EEFSEC: variants seen among roughly 807,000 people sequenced by gnomAD.
EEFSEC encodes eukaryotic elongation factor, selenocysteine-tRNA specific.
EEFSEC carries 43 observed loss-of-function variants against 42.1 expected under a neutral mutation model. The ratio of observed to expected loss-of-function variants is 1.02; its 90% CI spans 0.80 to 1.32. EEFSEC has a LOEUF of 1.32. EEFSEC is among the 40% of genes most tolerant of loss of function. The pLI is 0.00. For synonymous variants in EEFSEC, 354 were observed against 339.1 expected, an observed-to-expected ratio of 1.04 and a Z score of -0.48; for missense variants, 745 against 803.6, an observed-to-expected ratio of 0.93 and a Z score of 0.88.
At chr3:128,183,965 A>G (rs2065438322) in intron 1 of EEFSEC, among the ~76,000 whole-genome samples, 1 of 152,218 alleles carries the variant, frequency 6.6e-6, no homozygotes, top group Non-Finnish European at 1.5e-5. Flanking sequence ...ATAGACCACC[A>G]GCAGGAACAG....
downstream of EEFSEC, among the ~76,000 whole-genome samples, chr3:128,412,198 C>G (rs932065473): frequency 2.6e-5 from 4 of 152,230 alleles, no homozygotes; most frequent in South Asian, 6.2e-4. Context: ...TTAGTGGGGC[C>G]TCTTCTCCAG....
At chr3:128,421,699 C>A in the EEFSEC span, among the ~76,000 whole-genome samples, 20,056 of 152,236 alleles carry the variant, frequency 0.13, 1,474 homozygotes, top group South Asian at 0.23. Flanking sequence ...CGCATTCCTC[C>A]GGGCAGCCTG....
chr3:128,205,198 T>C (rs542367749), intron 1 of EEFSEC, among the ~76,000 whole-genome samples: 2 of 152,350 alleles, frequency 1.3e-5, no homozygotes, highest in African/African-American at 4.8e-5. Flanking sequence ...TTCATTTGTA[T>C]GCTCACTCAT....
intron 6 of EEFSEC, among the ~76,000 whole-genome samples, chr3:128,395,284 A>T (rs543611921): frequency 6.6e-6 from 1 of 152,330 alleles, no homozygotes. Flanking sequence ...CCAGACCCTC[A>T]GCCAGGGCCT....
intron 4 of EEFSEC, among the ~76,000 whole-genome samples, chr3:128,329,188 G>A (rs2067098074): frequency 6.6e-6 from 1 of 152,202 alleles, no homozygotes; most frequent in Admixed American, 6.5e-5. Flanking sequence ...CAGCTTCCCT[G>A]GGGCCCCTGT....
At position 128,153,635 on chromosome 3, in the gene EEFSEC, G is replaced by T; in HGVS notation, c.128G>T (p.Arg43Leu). ...GCCTTTGACAAGCAGCCGCAGAGCCGCGAGCGCGGCATCACGCTCGATCTG... is the reference window on the plus strand; with the variant it reads ...GCCTTTGACAAGCAGCCGCAGAGCCTCGAGCGCGGCATCACGCTCGATCTG... ...TAAFDKQPQSRERGITLDLGF... is the reference protein window; with the variant it reads ...TAAFDKQPQSLERGITLDLGF... Residue 43 changes from arginine to leucine, a missense_variant, in exon 1 of 7, where the codon CGC becomes CTC. Transcript: ENST00000254730. 6.3e-7 allele frequency: 1 copy of T among 1,598,034 alleles called. No individual in the cohort carries two copies. The highest frequency in any genetic ancestry group is 8.5e-7 in the Non-Finnish European group (1 of 1,177,848).
chr3:128,410,196 C>T (rs937023274), downstream of EEFSEC, among the ~76,000 whole-genome samples: 15 of 152,182 alleles, frequency 9.9e-5, no homozygotes, highest in Admixed American at 2.6e-4. Context: ...CAAGGACTCA[C>T]TTCTTAGGCG....
At chr3:128,417,050 C>T in the EEFSEC span, among the ~76,000 whole-genome samples, 1 of 152,110 alleles carries the variant, frequency 6.6e-6, no homozygotes, top group Non-Finnish European at 1.5e-5. The surrounding 1 kb of genome is among the most constrained non-coding windows in gnomAD (Gnocchi z 4.3). Flanking sequence ...GCTTCACCTT[C>T]AAAGCCTGTC....
At chr3:128,260,787 G>A (rs1162144804) in intron 2 of EEFSEC, among the ~76,000 whole-genome samples, 2 of 152,192 alleles carry the variant, frequency 1.3e-5, no homozygotes, top group Admixed American at 1.3e-4. Context: ...TCCACAGATT[G>A]CTCAAGCCTT....
intron 1 of EEFSEC, among the ~76,000 whole-genome samples, chr3:128,177,623 C>T (rs1459804242): frequency 5.9e-5 from 9 of 152,150 alleles, no homozygotes; most frequent in African/African-American, 9.7e-5. Flanking sequence ...CCAAAACGCA[C>T]CTCTGTTTAG....
intron 4 of EEFSEC, among the ~76,000 whole-genome samples, chr3:128,294,982 G>A (rs2066687033): frequency 6.6e-6 from 1 of 152,198 alleles, no homozygotes; most frequent in Non-Finnish European, 1.5e-5. Flanking sequence ...TCCCCATGAT[G>A]CCTGGGAAAA....
At chr3:128,237,305 A>G (rs77996940) in intron 1 of EEFSEC, among the ~76,000 whole-genome samples, 2,161 of 151,974 alleles carry the variant, frequency 0.014, 24 homozygotes, top group Non-Finnish European at 0.024. Context: ...TGGGTTTTGT[A>G]TCTTACCTAG....
chr3:128,242,386 A>G (rs1286326387), intron 1 of EEFSEC, among the ~76,000 whole-genome samples: 1 of 152,180 alleles, frequency 6.6e-6, no homozygotes, highest in Admixed American at 6.5e-5. Context: ...AAACCTGGTC[A>G]TCCTGCACAT....
chr3:128,235,263 C>T (rs975090586), intron 1 of EEFSEC, among the ~76,000 whole-genome samples: 23 of 151,110 alleles, frequency 1.5e-4, no homozygotes, highest in African/African-American at 5.6e-4. Flanking sequence ...GAGATGGGGT[C>T]TCTCCATGTT....
At chr3:128,287,183 G>A (rs1576608948) in intron 4 of EEFSEC, among the ~76,000 whole-genome samples, 1 of 152,176 alleles carries the variant, frequency 6.6e-6, no homozygotes, top group East Asian at 1.9e-4. Flanking sequence ...GGGCCAATTT[G>A]GCAAATAAAG....
intron 5 of EEFSEC, among the ~76,000 whole-genome samples, chr3:128,349,977 C>T (rs951848043): frequency 2.6e-5 from 4 of 152,248 alleles, no homozygotes; most frequent in Admixed American, 1.3e-4. Flanking sequence ...CACCATCCCC[C>T]TTCCACAGTG....
At chr3:128,274,727 G>T (rs928664305) in intron 4 of EEFSEC, among the ~76,000 whole-genome samples, 16 of 152,358 alleles carry the variant, frequency 1.1e-4, no homozygotes, top group African/African-American at 3.8e-4. Flanking sequence ...GAATGCCAGG[G>T]CTGGTTCCCA....
rs569756121 is a variant in EEFSEC, at chr3:128,323,803, AT to A, written c.787-17429del. Among the ~76,000 whole-genome samples, 134 of 152,286 alleles carry A rather than the reference AT, an allele frequency of 8.8e-4. 1 individual carries two copies. Among genetic ancestry groups the A allele is most frequent in the African/African-American group, 3.1e-3 (130 of 41,538 alleles). On this transcript the variant is annotated intron_variant, in intron 4 of 6. Coordinates refer to ENST00000254730, the MANE Select transcript of EEFSEC (RefSeq NM_021937.5). ...CTGGAAAATCACTTGGGCGGCTGCC[AT>A]GTTGAATGCCAGCCCATCCTCTCAG... is the stretch of plus-strand genomic sequence containing the variant.
chr3:128,185,016 C>T (rs750921429), intron 1 of EEFSEC, among the ~76,000 whole-genome samples: 13 of 152,146 alleles, frequency 8.5e-5, no homozygotes, highest in East Asian at 1.9e-4. Context: ...GCTTGGGTAA[C>T]GGAGCGAGAT....
Sources: gnomAD v4.1 joint callset for allele counts (sites outside exome capture counted in the v4.1 genomes callset) on GRCh38, gnomAD v4.1.1 for gene constraint, Gnocchi (gnomAD v3.1) non-coding constraint, MANE v1.5 for transcripts, NCBI Gene and HGNC (gene_info 2026-07-23, HGNC 2026-07-21) for gene names.